Variants in ADD3 observed in about 807,000 individuals in gnomAD.
ADD3 encodes the protein adducin 3.
In ADD3, 25 loss-of-function variants were observed where a neutral mutation model predicts 80.2. The ratio of observed to expected loss-of-function variants is 0.31; its 90% confidence interval spans 0.23 to 0.44. ADD3 has a LOEUF of 0.44. Ranked by LOEUF, ADD3 falls within the 20% of genes least tolerant of loss-of-function variation. ADD3 has a pLI of 1.00. For synonymous variants in ADD3, 284 were observed against 289.6 expected (o/e 0.98, Z 0.20); for missense variants, 829 against 847.5 (o/e 0.98, Z 0.27).
chr10:110,065,888 T>A (rs146418289), intron 1 of ADD3, among the ~76,000 whole-genome samples: 1 of 152,066 alleles, frequency 6.6e-6, no homozygotes, highest in East Asian at 1.9e-4. Context: ...TCTCTGTGCT[T>A]CATTCTCGCT....
At chr10:110,129,639 A>G (rs1197984121) in intron 12 of ADD3, among the ~76,000 whole-genome samples, 4 of 152,148 alleles carry the variant, frequency 2.6e-5, no homozygotes, top group Non-Finnish European at 5.9e-5. Context: ...GGGCCTTACC[A>G]GACCTCTTCA....
intron 1 of ADD3, among the ~76,000 whole-genome samples, chr10:110,010,241 A>G (rs978201729): frequency 6.6e-6 from 1 of 152,232 alleles, no homozygotes; most frequent in Non-Finnish European, 1.5e-5. Context: ...GGCTTCCTGA[A>G]GTAGGCCTAT....
At chr10:110,074,524 A>G (rs1845159310) in intron 1 of ADD3, among the ~76,000 whole-genome samples, 1 of 151,580 alleles carries the variant, frequency 6.6e-6, no homozygotes, top group Non-Finnish European at 1.5e-5. Flanking sequence ...GCAAAAGGGG[A>G]AGGGGAAGGC....
At chr10:109,999,623 G>A (rs1159222086) in intron 1 of ADD3, among the ~76,000 whole-genome samples, 1 of 152,136 alleles carries the variant, frequency 6.6e-6, no homozygotes, top group African/African-American at 2.4e-5. Context: ...AATTTAGCAG[G>A]ACTGATATCA....
intron 1 of ADD3, among the ~76,000 whole-genome samples, chr10:110,045,899 C>A (rs7070869): frequency 6.6e-6 from 1 of 152,298 alleles, no homozygotes; most frequent in African/African-American, 2.4e-5. Flanking sequence ...AGTGTTAGGA[C>A]TATTTACTTA....
chr10:110,071,223 C>T (rs548976322), intron 1 of ADD3, among the ~76,000 whole-genome samples: 14 of 152,254 alleles, frequency 9.2e-5, no homozygotes, highest in Admixed American at 4.6e-4. Context: ...AAAATGCCTA[C>T]AGAGCCCCAT....
chr10:110,056,902 A>G (rs548994384), intron 1 of ADD3, among the ~76,000 whole-genome samples: 4 of 152,324 alleles, frequency 2.6e-5, no homozygotes, highest in South Asian at 2.1e-4. Context: ...CACAGGGACT[A>G]TTTGGGCAGT....
At chr10:110,070,951 T>TG (rs1307872502) in intron 1 of ADD3, among the ~76,000 whole-genome samples, 4 of 133,684 alleles carry the variant, frequency 3.0e-5, no homozygotes, top group African/African-American at 1.1e-4. Flanking sequence ...GGGTTTTTTT[T>TG]TTTGTTTGTT....
chr10:110,122,869 C>A (rs2134159919), intron 9 of ADD3, among the ~76,000 whole-genome samples: 1 of 152,006 alleles, frequency 6.6e-6, no homozygotes, highest in South Asian at 2.1e-4. Flanking sequence ...TGGGCTCAAG[C>A]AGTCCTCCCA....
chr10:110,129,386 TGA>T (rs1852642649), intron 12 of ADD3, among the ~76,000 whole-genome samples: 1 of 152,090 alleles, frequency 6.6e-6, no homozygotes, highest in African/African-American at 2.4e-5. Context: ...GGACCTCAGG[TGA>T]TCTGCTCGCC....
upstream of ADD3, among the ~76,000 whole-genome samples, chr10:110,003,302 G>GGGGGGGGTGTGTGTGTGTGT (rs140966434): frequency 4.9e-4 from 72 of 147,004 alleles, no homozygotes; most frequent in African/African-American, 1.8e-3. Context: ...GAACAGTAAG[G>GGGGGGGGTGTGTGTGTGTGT]GTGTGTGTGT....
At chr10:110,017,845 T>C (rs1853179676) in intron 1 of ADD3, among the ~76,000 whole-genome samples, 1 of 152,334 alleles carries the variant, frequency 6.6e-6, no homozygotes, top group Admixed American at 6.5e-5. Context: ...ACTACTATTA[T>C]GAGTAATGGT....
intron 4 of ADD3, among the ~76,000 whole-genome samples, 177 bp downstream of exon 4, chr10:110,116,587 C>T (rs769803707): frequency 5.3e-5 from 8 of 152,206 alleles, no homozygotes; most frequent in Non-Finnish European, 1.0e-4. Context: ...CCAATTCCCC[C>T]ACCTTTCTTC....
At chr10:110,059,371 C>T (rs1353275802) in intron 1 of ADD3, among the ~76,000 whole-genome samples, 1 of 152,088 alleles carries the variant, frequency 6.6e-6, no homozygotes, top group Non-Finnish European at 1.5e-5. Context: ...ACTCAGGAGG[C>T]TGACGCAGGA....
At chr10:110,011,837 G>T (rs1852370956) in intron 1 of ADD3, among the ~76,000 whole-genome samples, 1 of 152,216 alleles carries the variant, frequency 6.6e-6, no homozygotes, top group Non-Finnish European at 1.5e-5. Context: ...ATGCCAGAGT[G>T]TTTATAGGTG....
rs1306477741 is a variant in ADD3 at position 110,133,765 on chromosome 10, AG to A, written c.*148del. On this transcript the variant is annotated 3_prime_UTR_variant, in exon 15 of 15. Coordinates refer to ENST00000356080, the MANE Select transcript of ADD3 (RefSeq NM_016824.5). Reference sequence around the variant, plus strand: ...AAGAACTGGAAAGAGGTTTTACAAAAGAAAAACTTTCAGATTCATCTCTCAT... The same window carrying A: ...AAGAACTGGAAAGAGGTTTTACAAAAAAAAACTTTCAGATTCATCTCTCAT... 2 of 615,132 alleles carry A rather than the reference AG, an allele frequency of 3.3e-6. No homozygotes were observed. The highest frequency in any genetic ancestry group is 6.3e-5 in the East Asian group (2 of 31,904). The allele number at this position is 615,132 out of a possible 1,614,324, so 38.1% of individuals were successfully genotyped here. A position where few individuals can be genotyped will look rare whatever the true frequency, so the allele number is the denominator to read the frequency against.
At chr10:110,058,049 C>T (rs1858420616) in intron 1 of ADD3, among the ~76,000 whole-genome samples, 2 of 152,176 alleles carry the variant, frequency 1.3e-5, no homozygotes, top group Non-Finnish European at 2.9e-5. Flanking sequence ...CCCACTGAAG[C>T]TAACTCTTAC....
chr10:110,017,054 C>T (rs993468764), intron 1 of ADD3, among the ~76,000 whole-genome samples: 2 of 152,176 alleles, frequency 1.3e-5, no homozygotes, highest in African/African-American at 4.8e-5. Context: ...TGCCAAGGAT[C>T]ATTTTAAGCA....
intron 1 of ADD3, among the ~76,000 whole-genome samples, chr10:110,072,751 T>C (rs923383636): frequency 2.6e-5 from 4 of 152,206 alleles, no homozygotes; most frequent in Non-Finnish European, 4.4e-5. Context: ...TGTGGTATTA[T>C]CACTTGTGAG....
Sources: gnomAD v4.1 joint callset for allele counts (sites outside exome capture counted in the v4.1 genomes callset) on GRCh38, gnomAD v4.1.1 for gene constraint, MANE v1.5 for transcripts, NCBI Gene and HGNC (gene_info 2026-07-23, HGNC 2026-07-21) for gene names.